Variants in GRHL3 observed in about 807,000 individuals in gnomAD.
GRHL3 encodes grainyhead-like protein 3 homolog.
GRHL3 carries 20 observed loss-of-function variants against 70.3 expected under a neutral mutation model. The observed-to-expected ratio is 0.28, with a 90% CI of 0.20 to 0.41. GRHL3 has a LOEUF of 0.41. GRHL3 is among the 10% of genes least tolerant of loss of function. The pLI, the probability that GRHL3 is intolerant of heterozygous loss-of-function variation, is 1.00. For missense variants in GRHL3, 637 were observed against 762.3 expected (o/e 0.84, Z 1.94); for synonymous variants, 299 against 299.9 (o/e 1.00, Z 0.03).
At position 24,342,579 on chromosome 1, in the gene GRHL3, T is replaced by C. The variant is rs1346987641; in HGVS notation, c.1207-115T>C. 1.9e-6 allele frequency: 2 copies of C among 1,036,992 alleles called. No homozygotes were observed. Among genetic ancestry groups the C allele is most frequent in the Non-Finnish European group, 3.0e-6 (2 of 670,990 alleles). The allele number at this position is 1,036,992 out of a possible 1,614,324, so 64.2% of individuals were successfully genotyped here. A position where few individuals can be genotyped will look rare whatever the true frequency, so the allele number is the denominator to read the frequency against. On this transcript the variant is annotated intron_variant, in intron 9 of 15. Coordinates refer to ENST00000361548, the MANE Select transcript of GRHL3 (RefSeq NM_198173.3). This position sits in a 1 kb window ranked among gnomAD's most constrained non-coding sequence, Gnocchi z 4.8. ...GTACCTTCCCATTTCCTGGTCTTGT[T>C]CTGGAAAAAAGAAGGACCAGAAGCT...
chr1:24,333,564 T>C (rs1639687029), intron 2 of GRHL3, among the ~76,000 whole-genome samples: 1 of 152,198 alleles, frequency 6.6e-6, no homozygotes, highest in Non-Finnish European at 1.5e-5. Flanking sequence ...ATGTGCTAGG[T>C]GCTATTCTGA....
intron 15 of GRHL3, among the ~76,000 whole-genome samples, chr1:24,363,218 C>A (rs180780910): frequency 6.6e-6 from 1 of 152,324 alleles, no homozygotes; most frequent in African/African-American, 2.4e-5. Context: ...TAATGACTCA[C>A]CAGTGTTCTT....
chr1:24,353,322 A>G (rs965281134), intron 15 of GRHL3, among the ~76,000 whole-genome samples: 2 of 152,126 alleles, frequency 1.3e-5, no homozygotes, highest in African/African-American at 4.8e-5. Context: ...AGCCCTGCAC[A>G]TGGAAAGGCC....
At chr1:24,323,025 C>T in intron 1 of GRHL3, 1 of 1,528,488 alleles carries the variant, frequency 6.5e-7, no homozygotes, top group Non-Finnish European at 8.9e-7. Flanking sequence ...TGCTTAGCCT[C>T]TGAAAAGAAG....
chr1:24,322,087 C>T lies in GRHL3; in HGVS notation c.17+2519C>T, dbSNP rs999235763. Among the ~76,000 whole-genome samples, 1 of 152,124 alleles carries T rather than the reference C, an allele frequency of 6.6e-6. No homozygotes were observed. Among genetic ancestry groups the T allele is most frequent in the African/African-American group, 2.4e-5 (1 of 41,434 alleles). On this transcript the variant is annotated intron_variant, in intron 1 of 15. Coordinates refer to ENST00000361548, the MANE Select transcript of GRHL3 (RefSeq NM_198173.3). The surrounding 1 kb of genome is among the most constrained non-coding windows in gnomAD (Gnocchi z 4.4). ...GACCTCCCCGGTGACCTGTTGTTCC[C>T]CTCTGGAGGGCCGGCCGGCGCTCCA... is the stretch of plus-strand genomic sequence containing the variant.
intron 1 of GRHL3, among the ~76,000 whole-genome samples, chr1:24,325,215 G>A (rs1429378597): frequency 6.6e-6 from 1 of 152,172 alleles, no homozygotes; most frequent in East Asian, 1.9e-4. Flanking sequence ...TGGCTGAAGG[G>A]AAGTGGGGTC....
chr1:24,323,059 T>TA lies in GRHL3; in HGVS notation c.17+3493dup. On this transcript the variant is annotated intron_variant, in intron 1 of 15. Transcript: ENST00000361548. The stretch of plus-strand genomic sequence containing the variant: ...AGACAGAGGAGATGTGCCAAACTGT[T>TA]AAGAGTGGTTATTTCTGAGCAGAAG... 4 of 1,549,270 alleles carry TA rather than the reference T, an allele frequency of 2.6e-6. No individual in the cohort carries two copies. The South Asian group carries it at 4.8e-5, about 18-fold the overall frequency.
At chr1:24,329,183 C>T (rs747134714) in intron 1 of GRHL3, among the ~76,000 whole-genome samples, 22 of 152,218 alleles carry the variant, frequency 1.4e-4, no homozygotes, top group Non-Finnish European at 2.5e-4. Flanking sequence ...AGCTCCACCT[C>T]CCTTCCTCTC....
At chr1:24,357,476 T>A (rs1453011893), downstream of GRHL3, 3 of 152,528 alleles carry the variant, frequency 2.0e-5, no homozygotes, top group Non-Finnish European at 4.4e-5. Flanking sequence ...CCTGGAGGAG[T>A]TAAATCAGCA....
Position 24,334,853 on chromosome 1 carries a change from A to G in GRHL3, c.266+147A>G, listed in dbSNP as rs1639735819. On this transcript the variant is annotated intron_variant, in intron 3 of 15. Coordinates refer to ENST00000361548, the MANE Select transcript of GRHL3 (RefSeq NM_198173.3). The surrounding 1 kb of genome is among the most constrained non-coding windows in gnomAD (Gnocchi z 4.3). ...TTTTGGGATTCATGATAATGTTTTC[A>G]TTTATTTTAAAATTAAAAGAAAAAA... The G allele has an allele frequency of 1.0e-5, 5 of 484,046 alleles. No individual in the cohort carries two copies. The highest frequency in any genetic ancestry group is 1.8e-5 in the Non-Finnish European group (5 of 276,690). The allele number at this position is 484,046 out of a possible 1,614,324, so 30.0% of individuals were successfully genotyped here. A position where few individuals can be genotyped will look rare whatever the true frequency, so the allele number is the denominator to read the frequency against.
At chr1:24,326,047 C>G (rs892731954) in intron 1 of GRHL3, among the ~76,000 whole-genome samples, 69 of 152,196 alleles carry the variant, frequency 4.5e-4, no homozygotes, top group African/African-American at 1.6e-3. Context: ...GTCATAACTT[C>G]CCTCCCTACC....
intron 3 of GRHL3, among the ~76,000 whole-genome samples, chr1:24,335,762 T>C (rs1639780033): frequency 2.0e-5 from 3 of 152,120 alleles, no homozygotes; most frequent in African/African-American, 7.2e-5. Context: ...TTTTGTATTT[T>C]TAGTAGAGAT....
At position 24,347,787 on chromosome 1, in the gene GRHL3, C is replaced by T. The variant is rs74062161; in HGVS notation, c.1629+234C>T. 1.0e-3 allele frequency among the ~76,000 whole-genome samples: 157 copies of T among 152,302 alleles called. 2 individuals are homozygous for T. Among genetic ancestry groups the T allele is most frequent in the South Asian group, 2.5e-3 (12 of 4,822 alleles). On this transcript the variant is annotated intron_variant, in intron 14 of 15. Transcript: ENST00000361548. ...CCTGGGAGTCGCACACACCATAAATCCTCCTTGATCTGATGGCTGCTGTCT... is the reference window on the plus strand; with the variant it reads ...CCTGGGAGTCGCACACACCATAAATTCTCCTTGATCTGATGGCTGCTGTCT...
At chr1:24,358,052 C>T (rs1473544534), downstream of GRHL3, 7 of 371,010 alleles carry the variant, frequency 1.9e-5, no homozygotes, top group African/African-American at 6.3e-5. Context: ...GTAGACATAC[C>T]GTAAGTGAGT....
At chr1:24,349,218 G>A in intron 14 of GRHL3, among the ~76,000 whole-genome samples, 1 of 152,212 alleles carries the variant, frequency 6.6e-6, no homozygotes, top group African/African-American at 2.4e-5. Flanking sequence ...CTGGCTGTGT[G>A]ATCTCAGGCA....
At position 24,360,400 on chromosome 1, in the gene GRHL3, C is replaced by T. The variant is rs58451075; in HGVS notation, c.1695-3785C>T. Among the ~76,000 whole-genome samples, 659 of 152,240 alleles carry T rather than the reference C, an allele frequency of 4.3e-3. 9 individuals carry two copies. The highest frequency in any genetic ancestry group is 0.015 in the African/African-American group (633 of 41,536). On this transcript the variant is annotated intron_variant, in intron 15 of 15. Coordinates refer to the GRHL3 transcript ENST00000350501. The stretch of plus-strand genomic sequence containing the variant: ...GGAGGCGGAAGTTGTGAGCCAAGAC[C>T]GCACTACTGCACTCCAGCCTGGGCG...
chr1:24,334,537 C>T lies in GRHL3; in HGVS notation c.205-108C>T, dbSNP rs1243930929. On this transcript the variant is annotated intron_variant, in intron 2 of 15. Coordinates refer to ENST00000361548, the MANE Select transcript of GRHL3 (RefSeq NM_198173.3). This position sits in a 1 kb window ranked among gnomAD's most constrained non-coding sequence, Gnocchi z 4.3. ...GATTTGGGTGGGGACACAGCCGAACCATATCACCAAAGTTACTCCCCTGCC... is the reference window on the plus strand; with the variant it reads ...GATTTGGGTGGGGACACAGCCGAACTATATCACCAAAGTTACTCCCCTGCC... 3 of 790,548 alleles carry T rather than the reference C, an allele frequency of 3.8e-6. No individual in the cohort carries two copies. Among genetic ancestry groups the T allele is most frequent in the East Asian group, 2.6e-5 (1 of 39,214 alleles). 49.0% of individuals were successfully genotyped at this position (790,548 alleles called of 1,614,324 possible).
Position 24,321,368 on chromosome 1 carries a change from G to T in GRHL3, c.17+1800G>T, listed in dbSNP as rs1172617398. On this transcript the variant is annotated intron_variant, in intron 1 of 15. Coordinates refer to ENST00000361548, the MANE Select transcript of GRHL3 (RefSeq NM_198173.3). The surrounding 1 kb of genome is among the most constrained non-coding windows in gnomAD (Gnocchi z 4.0). ...ATTTGAGATTACAGTGGCAGAGCCT[G>T]GGGGCTCAGCTGCCCCTACTGGTAA... is the stretch of plus-strand genomic sequence containing the variant. Among the ~76,000 whole-genome samples, 1 of 152,180 alleles carries T rather than the reference G, an allele frequency of 6.6e-6. No individual in the cohort carries two copies. The highest frequency in any genetic ancestry group is 2.4e-5 in the African/African-American group (1 of 41,450).
At chr1:24,343,601 C>G (rs3887582) in intron 11 of GRHL3, among the ~76,000 whole-genome samples, 4 of 151,964 alleles carry the variant, frequency 2.6e-5, no homozygotes, top group African/African-American at 9.7e-5. Context: ...CGGGACTGAG[C>G]GCCTGGCAGC....
Sources: allele counts gnomAD v4.1 joint callset (sites outside exome capture counted in the v4.1 genomes callset), GRCh38; gene constraint gnomAD v4.1.1; non-coding constraint Gnocchi (gnomAD v3.1); transcripts MANE v1.5; gene names NCBI Gene and HGNC (gene_info 2026-07-23, HGNC 2026-07-21).